Variants in TRHDE observed in about 807,000 individuals in gnomAD.
TRHDE encodes the protein thyrotropin-releasing hormone-degrading ectoenzyme.
A neutral mutation model predicts 125.7 loss-of-function variants in TRHDE; 72 were observed. The observed-to-expected ratio is 0.57, with a 90% CI of 0.47 to 0.70. The LOEUF is 0.70. TRHDE is among the 30% of genes least tolerant of loss of function. The pLI, the probability that TRHDE is intolerant of heterozygous loss-of-function variation, is 0.00. For synonymous variants in TRHDE, 509 were observed against 509.1 expected, an observed-to-expected ratio of 1.00 and a Z score of 0.00; for missense variants, 1,110 against 1,327.1, an observed-to-expected ratio of 0.84 and a Z score of 2.54.
intron 2 of TRHDE, among the ~76,000 whole-genome samples, chr12:72,213,016 A>G (rs761293350): frequency 1.3e-5 from 2 of 152,192 alleles, no homozygotes; most frequent in Admixed American, 6.6e-5. Flanking sequence ...GGAATGAAAT[A>G]CTGATACATG....
intron 2 of TRHDE, among the ~76,000 whole-genome samples, chr12:72,245,764 T>C (rs1185213679): frequency 6.6e-6 from 1 of 151,278 alleles, no homozygotes; most frequent in Non-Finnish European, 1.5e-5. Context: ...CATATATATA[T>C]ACACACACAT....
intron 2 of TRHDE, among the ~76,000 whole-genome samples, chr12:72,179,985 C>T (rs1418208134): frequency 6.6e-6 from 1 of 151,790 alleles, no homozygotes; most frequent in Non-Finnish European, 1.5e-5. Context: ...CACATGGTAG[C>T]TAATTAATAC....
intron 12 of TRHDE, chr12:72,611,415 A>G (rs1872628461): frequency 6.6e-6 from 1 of 152,222 alleles, no homozygotes; most frequent in Non-Finnish European, 1.5e-5. Flanking sequence ...AAAATAACCC[A>G]TTTAAAGAGA....
At chr12:72,233,115 A>G (rs1406110248) in intron 2 of TRHDE, among the ~76,000 whole-genome samples, 2 of 152,092 alleles carry the variant, frequency 1.3e-5, no homozygotes, top group Non-Finnish European at 2.9e-5. Context: ...TCCATCTTCC[A>G]TTCTCCCCAA....
chr12:72,324,835 G>C (rs967352004), intron 2 of TRHDE, among the ~76,000 whole-genome samples: 1 of 152,128 alleles, frequency 6.6e-6, no homozygotes, highest in Non-Finnish European at 1.5e-5. Flanking sequence ...CTTTAGGTAT[G>C]ATTTTATAGA....
chr12:72,552,704 AG>A (rs902509077), intron 7 of TRHDE, among the ~76,000 whole-genome samples: 25 of 152,184 alleles, frequency 1.6e-4, no homozygotes, highest in Non-Finnish European at 2.9e-5. Flanking sequence ...TCAGTGGAGT[AG>A]GTTAAAGAGT....
chr12:72,497,032 C>G (rs1443676925), intron 5 of TRHDE, among the ~76,000 whole-genome samples: 1 of 152,056 alleles, frequency 6.6e-6, no homozygotes, highest in Admixed American at 6.6e-5. Flanking sequence ...GTTCTCCTGC[C>G]AGGCTTTTTT....
chr12:72,398,054 A>G (rs1270724509), intron 3 of TRHDE, among the ~76,000 whole-genome samples: 2 of 132,486 alleles, frequency 1.5e-5, no homozygotes, highest in Non-Finnish European at 3.4e-5. Context: ...TCATTGTTCA[A>G]TTCCCACCTA....
intron 2 of TRHDE, among the ~76,000 whole-genome samples, chr12:72,354,745 A>G (rs1478769427): frequency 6.7e-6 from 1 of 149,284 alleles, no homozygotes; most frequent in Non-Finnish European, 1.5e-5. Flanking sequence ...AAATATATAT[A>G]ATATATAATA....
intron 2 of TRHDE, among the ~76,000 whole-genome samples, chr12:72,216,680 TG>T (rs1406078779): frequency 2.0e-5 from 3 of 152,206 alleles, no homozygotes; most frequent in Non-Finnish European, 4.4e-5. Flanking sequence ...TTATGCTGAT[TG>T]ATTTGTTGTG....
intron 7 of TRHDE, among the ~76,000 whole-genome samples, chr12:72,559,440 A>T (rs1870071870): frequency 6.6e-6 from 1 of 152,196 alleles, no homozygotes; most frequent in Admixed American, 6.5e-5. Context: ...CTGCATTTTA[A>T]ACCACTATGC....
intron 15 of TRHDE, among the ~76,000 whole-genome samples, chr12:72,639,858 G>C (rs564900569): frequency 2.0e-5 from 3 of 152,168 alleles, no homozygotes; most frequent in Non-Finnish European, 2.9e-5. Context: ...CAGTCTGCCC[G>C]TTCTCAGATC....
intron 2 of TRHDE, among the ~76,000 whole-genome samples, chr12:72,139,042 G>A (rs187774896): frequency 1.4e-4 from 22 of 152,326 alleles, no homozygotes; most frequent in East Asian, 7.7e-4. Flanking sequence ...GATTGTGTGA[G>A]CATAGCCTCC....
At chr12:72,178,482 A>G (rs1255220453) in intron 2 of TRHDE, among the ~76,000 whole-genome samples, 3 of 152,100 alleles carry the variant, frequency 2.0e-5, no homozygotes, top group Non-Finnish European at 4.4e-5. Context: ...AACTAATAAT[A>G]TAAAGGAGCC....
intron 2 of TRHDE, among the ~76,000 whole-genome samples, chr12:72,203,860 T>TTG: frequency 6.6e-6 from 1 of 152,306 alleles, no homozygotes; most frequent in African/African-American, 2.4e-5. Flanking sequence ...TCTTTTTCCC[T>TTG]TGTGTGTGTC....
rs200021223 is a variant in TRHDE, at chr12:72,377,304, C to CTTTTTTTTTTTTTTTT, written c.1189-677_1189-676insTTTTTTTTTTTTTTTT. On this transcript the variant is annotated intron_variant, in intron 2 of 18. Transcript: ENST00000261180. The stretch of plus-strand genomic sequence containing the variant: ...TCAGTTTCATGTTACTTGCTTTAGG[C>CTTTTTTTTTTTTTTTT]TTTTTTTTTTTTTTGGCCAAGGACT... Among the ~76,000 whole-genome samples the CTTTTTTTTTTTTTTTT allele has an allele frequency of 8.9e-4, 116 of 130,366 alleles. 1 individual carries two copies. The highest frequency in any genetic ancestry group is 3.1e-3 in the African/African-American group (110 of 35,544). The allele number at this position is 130,366 out of a possible 152,430, so 85.5% of individuals were successfully genotyped here.
intron 7 of TRHDE, among the ~76,000 whole-genome samples, chr12:72,555,034 CTTT>C (rs1424341126): frequency 8.5e-5 from 13 of 152,166 alleles, no homozygotes; most frequent in African/African-American, 3.1e-4. Context: ...GCAAGAAAAA[CTTT>C]CATGAGCTGG....
intron 5 of TRHDE, among the ~76,000 whole-genome samples, chr12:72,475,904 G>T (rs1012548723): frequency 1.1e-4 from 16 of 151,642 alleles, no homozygotes; most frequent in Admixed American, 2.0e-4. Context: ...ATTATGATGG[G>T]TTTTTTTTGT....
intron 2 of TRHDE, among the ~76,000 whole-genome samples, chr12:72,251,974 T>C (rs188646301): frequency 4.5e-4 from 68 of 152,258 alleles, no homozygotes; most frequent in Admixed American, 8.5e-4. Context: ...CTCATATCAA[T>C]TTTCTGGTTG....
Sources: gnomAD v4.1 joint callset for allele counts (sites outside exome capture counted in the v4.1 genomes callset) on GRCh38, gnomAD v4.1.1 for gene constraint, MANE v1.5 for transcripts, NCBI Gene and HGNC (gene_info 2026-07-23, HGNC 2026-07-21) for gene names.